SIN3A: variants seen among roughly 807,000 people sequenced by gnomAD.
SIN3A encodes SIN3 transcription regulator family member A.
Under a neutral mutation model 146.1 loss-of-function variants are expected in SIN3A, and 14 were observed. That is an observed-to-expected ratio of 0.10 (90% CI 0.06 to 0.15). The LOEUF (loss-of-function observed/expected upper bound fraction) is 0.15. SIN3A is among the 10% of genes least tolerant of loss of function. The pLI is 1.00. For synonymous variants in SIN3A, 572 were observed against 572.0 expected, an observed-to-expected ratio of 1.00 and a Z score of 0.00; for missense variants, 1,028 against 1,576.0, an observed-to-expected ratio of 0.65 and a Z score of 5.89.
intron 8 of SIN3A, 42 bp downstream of exon 8, chr15:75,409,794 T>C (rs747867135): frequency 6.3e-7 from 1 of 1,597,012 alleles, no homozygotes; most frequent in Non-Finnish European, 8.5e-7. Context: ...CCATTAGAAA[T>C]ACTTGTGAGT....
At chr15:75,439,802 C>A (rs778204239) in intron 1 of SIN3A, among the ~76,000 whole-genome samples, 11 of 152,016 alleles carry the variant, frequency 7.2e-5, no homozygotes, top group Non-Finnish European at 1.6e-4. Context: ...TAAAACTCTT[C>A]TGACTCAAAA....
intron 1 of SIN3A, among the ~76,000 whole-genome samples, chr15:75,450,857 G>A (rs909909322): frequency 7.2e-5 from 11 of 152,170 alleles, no homozygotes; most frequent in African/African-American, 2.7e-4. Context: ...CCAAGGAGGC[G>A]GAAACCCGGG....
intron 1 of SIN3A, chr15:75,446,494 TG>T (rs1335260150): frequency 1.3e-5 from 2 of 151,632 alleles, no homozygotes; most frequent in Non-Finnish European, 2.9e-5. Context: ...TTCTTACAGG[TG>T]TTTTTTTATT....
intron 8 of SIN3A, among the ~76,000 whole-genome samples, chr15:75,408,399 CGTCA>C (rs2073560677): frequency 6.6e-6 from 1 of 152,210 alleles, no homozygotes; most frequent in Admixed American, 6.5e-5. Flanking sequence ...ACACCTAGTA[CGTCA>C]GACCTTGTAG....
chr15:75,413,742 A>G (rs2073686143), intron 4 of SIN3A, among the ~76,000 whole-genome samples: 3 of 152,148 alleles, frequency 2.0e-5, no homozygotes, highest in Non-Finnish European at 2.9e-5. Flanking sequence ...TTAACAGAAT[A>G]TATGTTCATT....
chr15:75,434,944 G>A (rs371600473), intron 1 of SIN3A, among the ~76,000 whole-genome samples: 4 of 149,364 alleles, frequency 2.7e-5, no homozygotes, highest in South Asian at 2.1e-4. Context: ...GCAAAACTCC[G>A]CCTCAAGAAA....
intron 9 of SIN3A, among the ~76,000 whole-genome samples, chr15:75,404,771 AAAAAAAAC>A (rs1011440777): frequency 1.3e-5 from 2 of 151,936 alleles, no homozygotes; most frequent in African/African-American, 4.8e-5. Context: ...AAAAAAATAA[AAAAAAAAC>A]AAAAAAACAA....
Position 75,389,749 on chromosome 15 carries a change from T to C in SIN3A, c.2924A>G (p.Asp975Gly). ...MVRSLLDGNI[D>G]SSQYEDSLRE... is the part of the protein sequence containing the mutation. ...CAGTGAATCTTCATACTGTGATGAGTCTATGTTGCCATCCAGCAGGCTCCG... is the reference window on the plus strand; with the variant it reads ...CAGTGAATCTTCATACTGTGATGAGCCTATGTTGCCATCCAGCAGGCTCCG... Residue 975 changes from aspartate (D) to glycine (G), a missense_variant, in exon 16 of 21, where the codon GAC becomes GGC. Coordinates refer to ENST00000394947, the MANE Select transcript of SIN3A (RefSeq NM_001145358.2). The C allele has an allele frequency of 6.2e-7, 1 of 1,614,000 alleles. No homozygotes were observed. Among genetic ancestry groups the C allele is most frequent in the South Asian group, 1.1e-5 (1 of 91,084 alleles).
At chr15:75,374,951 C>T (rs2072825933) in intron 20 of SIN3A, among the ~76,000 whole-genome samples, 1 of 152,134 alleles carries the variant, frequency 6.6e-6, no homozygotes, top group Non-Finnish European at 1.5e-5. Context: ...TGGCATAACA[C>T]CCTATACGCA....
rs761497249 is a variant in SIN3A, at chr15:75,380,659, T to C, written c.3353A>G (p.His1118Arg). ...SDTTSPELRE[H>R]LAQKPVFLPR... ...GAGAAATACTGGTTTCTGTGCTAGA[T>C]GTTCACGAAGCTCAGGCGAGGTAGT... is the stretch of plus-strand genomic sequence containing the variant. Residue 1118 changes from histidine to arginine, a missense_variant, in exon 19 of 21, where the codon CAT becomes CGT. His to Arg is a conservative substitution (Grantham distance 29). Transcript: ENST00000394947. The C allele has an allele frequency of 1.8e-5, 29 of 1,614,084 alleles. No homozygotes were observed. Among genetic ancestry groups the C allele is most frequent in the Non-Finnish European group, 2.5e-5 (29 of 1,179,948 alleles).
intron 2 of SIN3A, among the ~76,000 whole-genome samples, chr15:75,423,057 G>A (rs1276802190): frequency 6.6e-6 from 1 of 152,040 alleles, no homozygotes; most frequent in Non-Finnish European, 1.5e-5. Flanking sequence ...CACAGAGTGA[G>A]ACCACGTCTC....
In SIN3A at chr15:75,431,628, C is replaced by T. The variant is rs553543265; in HGVS notation, c.-33-1220G>A. 4.8e-4 allele frequency among the ~76,000 whole-genome samples: 72 copies of T among 150,126 alleles called. 1 individual carries two copies. Among genetic ancestry groups the T allele is most frequent in the African/African-American group, 1.8e-3 (71 of 40,284 alleles). On this transcript the variant is annotated intron_variant, in intron 1 of 20. Coordinates refer to ENST00000394947, the MANE Select transcript of SIN3A (RefSeq NM_001145358.2). Reference sequence around the variant, plus strand: ...AGTGGGAGATTTGGCAAGCCACCCCCTCATCTGAAATACGGTTAAGTTAAA... The same window carrying T: ...AGTGGGAGATTTGGCAAGCCACCCCTTCATCTGAAATACGGTTAAGTTAAA...
intron 12 of SIN3A, 149 bp downstream of exon 12, chr15:75,399,891 A>G: frequency 1.6e-6 from 1 of 623,754 alleles, no homozygotes; most frequent in Admixed American, 2.4e-5. Context: ...ACCAATGCAT[A>G]AAGCATGGAA....
chr15:75,445,213 T>G (rs563833445), intron 1 of SIN3A, among the ~76,000 whole-genome samples: 56 of 149,990 alleles, frequency 3.7e-4, no homozygotes, highest in Non-Finnish European at 5.8e-4. Flanking sequence ...AAACCCTGTC[T>G]CTACTAAAAA....
intron 3 of SIN3A, chr15:75,415,582 T>C (rs2073718732): frequency 1.1e-5 from 2 of 178,552 alleles, no homozygotes; most frequent in African/African-American, 2.4e-5. Flanking sequence ...CTGGGCGCAG[T>C]GGCTGACACC....
chr15:75,371,518 G>A lies in SIN3A; in HGVS notation c.*461C>T, dbSNP rs558866226. The A allele has an allele frequency of 6.4e-6, 1 of 156,596 alleles. No individual in the cohort carries two copies. The highest frequency in any genetic ancestry group is 2.1e-4 in the South Asian group (1 of 4,862). 9.7% of individuals were successfully genotyped at this position (156,596 alleles called of 1,614,324 possible). On this transcript the variant is annotated 3_prime_UTR_variant, in exon 21 of 21. Coordinates refer to ENST00000394947, the MANE Select transcript of SIN3A (RefSeq NM_001145358.2). ...AATCCAGCTTTTTTTTCCTTTTGTG[G>A]GGAGGGGAGAGGAGCAGTGACCATG...
intron 14 of SIN3A, among the ~76,000 whole-genome samples, chr15:75,394,347 A>G (rs913253932): frequency 6.6e-6 from 1 of 152,224 alleles, no homozygotes; most frequent in African/African-American, 2.4e-5. Context: ...ACAAATTTTG[A>G]AGCTGTAAGT....
chr15:75,412,708 G>C, intron 5 of SIN3A, 55 bp downstream of exon 5: 1 of 1,449,406 alleles, frequency 6.9e-7, no homozygotes, highest in Admixed American at 2.5e-5. Context: ...AACATCAAAG[G>C]AAGGTGCTCT....
upstream of SIN3A, chr15:75,453,948 G>A (rs2074448816): frequency 1.3e-5 from 2 of 152,322 alleles, no homozygotes; most frequent in South Asian, 4.1e-4. Context: ...CCGAGCCTAG[G>A]ACTTCCGGGC....
Sources: allele counts gnomAD v4.1 joint callset (sites outside exome capture counted in the v4.1 genomes callset), GRCh38; gene constraint gnomAD v4.1.1; transcripts MANE v1.5; gene names NCBI Gene and HGNC (gene_info 2026-07-23, HGNC 2026-07-21).